Variants in SKAP2 observed in about 807,000 individuals in gnomAD.
SKAP2 encodes src kinase-associated phosphoprotein 2.
A neutral mutation model predicts 54.9 loss-of-function variants in SKAP2; 28 were observed. The ratio of observed to expected loss-of-function variants is 0.51; its 90% CI spans 0.38 to 0.70. The LOEUF (loss-of-function observed/expected upper bound fraction) is 0.70, where lower values mean the gene tolerates loss of function less well. Among genes scored for constraint, SKAP2 ranks in the 30% least tolerant of loss-of-function variants. The pLI is 0.00. For synonymous variants in SKAP2, 137 were observed against 134.3 expected (o/e 1.02, Z -0.14); for missense variants, 356 against 424.1 (o/e 0.84, Z 1.41).
chr7:26,811,742 A>G (rs3801837), intron 4 of SKAP2, among the ~76,000 whole-genome samples: 32,306 of 152,130 alleles, frequency 0.21, 3,514 homozygotes, highest in Non-Finnish European at 0.24. Context: ...ATTAAAAGAG[A>G]AGAAAAGGGC....
At chr7:26,753,914 T>A (rs1240262044) in intron 4 of SKAP2, among the ~76,000 whole-genome samples, 1 of 152,178 alleles carries the variant, frequency 6.6e-6, no homozygotes, top group Non-Finnish European at 1.5e-5. Context: ...TATATTTATA[T>A]CCCACCTTAA....
chr7:26,825,632 A>G (rs193168046), intron 4 of SKAP2, among the ~76,000 whole-genome samples: 2 of 151,700 alleles, frequency 1.3e-5, no homozygotes, highest in Admixed American at 1.3e-4. Context: ...ATCAGCTCTT[A>G]TGAAAGGTTT....
chr7:26,843,968 C>T, intron 4 of SKAP2, 62 bp downstream of exon 4: 1 of 1,002,872 alleles, frequency 1.0e-6, no homozygotes, highest in Non-Finnish European at 1.5e-6. Context: ...ATAAAACTAC[C>T]ACCCATATAT....
At chr7:26,786,169 T>TG (rs1355785343) in intron 4 of SKAP2, among the ~76,000 whole-genome samples, 3 of 152,174 alleles carry the variant, frequency 2.0e-5, no homozygotes, top group Non-Finnish European at 4.4e-5. Flanking sequence ...GTAATCAAGA[T>TG]GGGGGAAATT....
chr7:26,656,810 T>C, the SKAP2 span, among the ~76,000 whole-genome samples: 1 of 152,096 alleles, frequency 6.6e-6, no homozygotes, highest in East Asian at 1.9e-4. Flanking sequence ...TTTCTATGGT[T>C]CATCTACCAG....
At chr7:26,719,631 T>C (rs1397334170) in intron 9 of SKAP2, among the ~76,000 whole-genome samples, 1 of 152,194 alleles carries the variant, frequency 6.6e-6, no homozygotes, top group Admixed American at 6.5e-5. Flanking sequence ...CCTTCCAAGA[T>C]AGTAGCTCAT....
chr7:26,688,714 T>C (rs1326811271), intron 10 of SKAP2, among the ~76,000 whole-genome samples: 1 of 152,174 alleles, frequency 6.6e-6, no homozygotes, highest in Non-Finnish European at 1.5e-5. Flanking sequence ...GAAAACTGAT[T>C]TTTTTTCCTA....
At position 26,821,148 on chromosome 7, in the gene SKAP2, G is replaced by A. The variant is rs374119141; in HGVS notation, c.307+22882C>T. On this transcript the variant is annotated intron_variant, in intron 4 of 12. Transcript: ENST00000345317. ...TTTAAAGTCCTTGAAAATTTAGTATGCAGATACTAAAAGTACATCTGATCT... is the reference window on the plus strand; with the variant it reads ...TTTAAAGTCCTTGAAAATTTAGTATACAGATACTAAAAGTACATCTGATCT... 7.7e-4 allele frequency among the ~76,000 whole-genome samples: 117 copies of A among 152,156 alleles called. 1 individual carries two copies. The highest frequency in any genetic ancestry group is 2.1e-3 in the Admixed American group (32 of 15,286).
chr7:26,717,020 C>T (rs899041013), intron 9 of SKAP2, among the ~76,000 whole-genome samples: 4 of 152,208 alleles, frequency 2.6e-5, no homozygotes, highest in African/African-American at 9.7e-5. Context: ...TGTGTTCACT[C>T]CTTTTCTGGC....
chr7:26,855,883 G>C (rs1785152207), intron 1 of SKAP2, among the ~76,000 whole-genome samples: 1 of 151,964 alleles, frequency 6.6e-6, no homozygotes, highest in Non-Finnish European at 1.5e-5. Flanking sequence ...ATAAATCATT[G>C]ATTATTTCAT....
At chr7:26,864,010 T>C (rs1238835106) in intron 1 of SKAP2, among the ~76,000 whole-genome samples, 1 of 150,498 alleles carries the variant, frequency 6.6e-6, no homozygotes, top group Non-Finnish European at 1.5e-5. Flanking sequence ...TCATTATCAT[T>C]ATCATTCTCT....
Position 26,667,392 on chromosome 7 carries a change from C to A in SKAP2, c.*2274G>T, listed in dbSNP as rs530571223. On this transcript the variant is annotated 3_prime_UTR_variant, in exon 13 of 13. Coordinates refer to ENST00000345317, the MANE Select transcript of SKAP2 (RefSeq NM_003930.5). Reference sequence around the variant, plus strand: ...TGTCAAGGGTGTAAAGAAAACTCTCCCTGGTTTGTATACAAATGATTTCAT... The same window carrying A: ...TGTCAAGGGTGTAAAGAAAACTCTCACTGGTTTGTATACAAATGATTTCAT... 2.0e-5 allele frequency: 3 copies of A among 152,114 alleles called. No individual in the cohort carries two copies. In the South Asian group the frequency reaches 6.2e-4, roughly 32 times the overall value. The allele number at this position is 152,114 out of a possible 1,614,324, so 9.4% of individuals were successfully genotyped here.
chr7:26,836,009 A>G (rs547555703), intron 4 of SKAP2, among the ~76,000 whole-genome samples: 108 of 152,318 alleles, frequency 7.1e-4, no homozygotes, highest in African/African-American at 2.6e-3. Context: ...AGACCAACGG[A>G]ACAGAAAAGA....
intron 4 of SKAP2, among the ~76,000 whole-genome samples, chr7:26,782,091 T>C (rs141659694): frequency 3.9e-5 from 6 of 152,332 alleles, no homozygotes; most frequent in African/African-American, 1.2e-4. Context: ...AGGGGCAGGA[T>C]TGATGGATTC....
intron 2 of SKAP2, among the ~76,000 whole-genome samples, chr7:26,854,408 A>G (rs1259535471): frequency 6.6e-6 from 1 of 152,074 alleles, no homozygotes; most frequent in African/African-American, 2.4e-5. Context: ...ACATGTAAAT[A>G]TATTACATTT....
intron 4 of SKAP2, among the ~76,000 whole-genome samples, chr7:26,782,108 C>A (rs1168794283): frequency 6.6e-6 from 1 of 152,184 alleles, no homozygotes; most frequent in Non-Finnish European, 1.5e-5. Context: ...ATTCCCAATA[C>A]TTGGCACAAT....
chr7:26,726,041 T>G, intron 7 of SKAP2, 55 bp from the exon 8 acceptor site: 1 of 1,126,922 alleles, frequency 8.9e-7, no homozygotes, highest in Non-Finnish European at 1.3e-6. Flanking sequence ...ATGAAAGGTA[T>G]GTTGTATTCT....
intron 4 of SKAP2, 135 bp from the exon 5 acceptor site, chr7:26,740,099 C>A: frequency 1.9e-5 from 9 of 478,248 alleles, no homozygotes; most frequent in East Asian, 3.5e-5. Context: ...AGCTTTGTTT[C>A]AGATCCATTC....
At chr7:26,853,084 C>A (rs1462783299) in intron 3 of SKAP2, among the ~76,000 whole-genome samples, 1 of 152,078 alleles carries the variant, frequency 6.6e-6, no homozygotes. Flanking sequence ...AAAAAAAAAT[C>A]TCTTCTCATT....
Sources: allele counts gnomAD v4.1 joint callset (sites outside exome capture counted in the v4.1 genomes callset), GRCh38; gene constraint gnomAD v4.1.1; transcripts MANE v1.5; gene names NCBI Gene and HGNC (gene_info 2026-07-23, HGNC 2026-07-21).